Variants in TTC7B observed in about 807,000 individuals in gnomAD.
The protein encoded by TTC7B is tetratricopeptide repeat domain 7B.
In TTC7B, 28 loss-of-function variants were observed where a neutral mutation model predicts 106.8. The ratio of observed to expected loss-of-function variants is 0.26; its 90% CI spans 0.19 to 0.36. TTC7B has a LOEUF of 0.36. Among genes scored for constraint, TTC7B ranks in the 10% least tolerant of loss-of-function variants. TTC7B has a pLI of 1.00. For synonymous variants in TTC7B, 405 were observed against 430.6 expected (o/e 0.94, Z 0.74); for missense variants, 862 against 1,076.4 (o/e 0.80, Z 2.79).
At chr14:90,718,017 C>T (rs1328718537) in intron 5 of TTC7B, among the ~76,000 whole-genome samples, 1 of 152,232 alleles carries the variant, frequency 6.6e-6, no homozygotes, top group African/African-American at 2.4e-5. Flanking sequence ...ATTCCTTCTT[C>T]CCCACACTCA....
At chr14:90,562,460 T>A (rs1157963082) in intron 19 of TTC7B, among the ~76,000 whole-genome samples, 2 of 152,152 alleles carry the variant, frequency 1.3e-5, no homozygotes, top group Non-Finnish European at 2.9e-5. Flanking sequence ...TCCAGTGCAA[T>A]CTCTCTAAAA....
At chr14:90,545,128 C>T (rs995510464) in intron 19 of TTC7B, among the ~76,000 whole-genome samples, 4 of 152,184 alleles carry the variant, frequency 2.6e-5, no homozygotes, top group Non-Finnish European at 4.4e-5. Flanking sequence ...CAATCAACAT[C>T]GAGCTGCAGC....
Position 90,532,734 on chromosome 14 carries a change from G to A in TTC7B, c.*8634C>T, listed in dbSNP as rs541328850. 6.6e-6 allele frequency: 1 copy of A among 152,362 alleles called. No individual in the cohort carries two copies. The highest frequency in any genetic ancestry group is 2.1e-4 in the South Asian group (1 of 4,828). The allele number at this position is 152,362 out of a possible 1,614,324, so 9.4% of individuals were successfully genotyped here. ...CTCCCCAGCCCAGGTACCTGTGTCT[G>A]GCCAGGGGTCCTTGATACACCGTGG... On this transcript the variant is annotated 3_prime_UTR_variant, in exon 20 of 20. Transcript: ENST00000328459.
At chr14:90,668,669 A>G (rs1886508714) in intron 9 of TTC7B, among the ~76,000 whole-genome samples, 1 of 152,198 alleles carries the variant, frequency 6.6e-6, no homozygotes, top group Non-Finnish European at 1.5e-5. Context: ...GGACAGGTTC[A>G]GCGAGGTAAT....
rs72691735 is a variant in TTC7B, at chr14:90,618,339, C to T, written c.1752-294G>A. ...ACACAGGGAATTTATTAAAAGCATG[C>T]TTTTTAGAACCAAACCAATTTATTT... On this transcript the variant is annotated intron_variant, in intron 15 of 19. Transcript: ENST00000328459. Among the ~76,000 whole-genome samples, 245 of 152,348 alleles carry T rather than the reference C, an allele frequency of 1.6e-3. 1 individual carries two copies. Among genetic ancestry groups the T allele is most frequent in the African/African-American group, 5.7e-3 (236 of 41,574 alleles).
rs76839657 is a variant in TTC7B at position 90,545,194 on chromosome 14, T to G, written c.2311-3605A>C. 6.2e-3 allele frequency among the ~76,000 whole-genome samples: 941 copies of G among 152,210 alleles called. 22 individuals carry two copies. The East Asian group carries it at 0.066, about 11-fold the overall frequency. On this transcript the variant is annotated intron_variant, in intron 19 of 19. Coordinates refer to ENST00000328459, the MANE Select transcript of TTC7B (RefSeq NM_001010854.2). The stretch of plus-strand genomic sequence containing the variant: ...CCCATGCTTCCCACCTGGTCCACAT[T>G]GCCTCTGTCGCTTTAAGAGGCAAGC...
chr14:90,546,878 C>G (rs1294574), intron 19 of TTC7B, among the ~76,000 whole-genome samples: 47,077 of 152,196 alleles, frequency 0.31, 8,392 homozygotes, highest in Admixed American at 0.42. Context: ...TCCATCCTCT[C>G]TCACCTCCAG....
Position 90,528,377 on chromosome 14 carries a change from ATTTTAT to A in TTC7B, c.*12985_*12990del, listed in dbSNP as rs1411663685. On this transcript the variant is annotated 3_prime_UTR_variant, in exon 20 of 20. Transcript: ENST00000328459. ...ACCACGCAAAGTGGTAGAGCAACTT[ATTTTAT>A]TTTTGTCATTCTTTTGAGGCAGGGT... is the stretch of plus-strand genomic sequence containing the variant. The A allele has an allele frequency of 6.6e-6, 1 of 152,392 alleles. No individual in the cohort carries two copies. Among genetic ancestry groups the A allele is most frequent in the African/African-American group, 2.4e-5 (1 of 41,422 alleles). 9.4% of individuals were successfully genotyped at this position (152,392 alleles called of 1,614,324 possible).
chr14:90,776,140 G>GACACACACAC (rs370873395), intron 3 of TTC7B, among the ~76,000 whole-genome samples: 2,390 of 140,356 alleles, frequency 0.017, 76 homozygotes, highest in African/African-American at 0.051. Flanking sequence ...GGCCCCCCGT[G>GACACACACAC]ACACACACAC....
Position 90,577,851 on chromosome 14 carries a change from G to A in TTC7B, c.2310+255C>T, listed in dbSNP as rs960028991. Among the ~76,000 whole-genome samples, 1 of 152,240 alleles carries A rather than the reference G, an allele frequency of 6.6e-6. No homozygotes were observed. The highest frequency in any genetic ancestry group is 1.5e-5 in the Non-Finnish European group (1 of 68,042). ...GAGCCACAGGGTGGCTTAGACTGCT[G>A]GCCAGGAGACCACAGCACCTAACAG... is the stretch of plus-strand genomic sequence containing the variant. On this transcript the variant is annotated intron_variant, in intron 19 of 19. Transcript: ENST00000328459. The surrounding 1 kb of genome is among the most constrained non-coding windows in gnomAD (Gnocchi z 5.0).
At chr14:90,689,015 T>A (rs1887359874) in intron 7 of TTC7B, among the ~76,000 whole-genome samples, 2 of 152,044 alleles carry the variant, frequency 1.3e-5, no homozygotes, top group Admixed American at 1.3e-4. Context: ...TCCAAGGTGA[T>A]CAAGTCTCAA....
intron 15 of TTC7B, among the ~76,000 whole-genome samples, chr14:90,622,480 A>C (rs1280849607): frequency 6.6e-6 from 1 of 150,998 alleles, no homozygotes; most frequent in South Asian, 2.2e-4. Context: ...CTGTAATCCC[A>C]GCACTTTGGG....
chr14:90,593,290 G>C (rs1323467337), intron 18 of TTC7B, among the ~76,000 whole-genome samples, 196 bp downstream of exon 18: 1 of 152,236 alleles, frequency 6.6e-6, no homozygotes, highest in East Asian at 1.9e-4. Flanking sequence ...AGAGGGATCG[G>C]GGGATACAGA....
Position 90,808,178 on chromosome 14 carries a change from G to T in TTC7B, c.121+7997C>A, listed in dbSNP as rs1435333951. ...GAGACGCAAGAGGCTGGGCACAGTGGCTCACGCCTGTAATCCCAGCACTTT... is the reference window on the plus strand; with the variant it reads ...GAGACGCAAGAGGCTGGGCACAGTGTCTCACGCCTGTAATCCCAGCACTTT... On this transcript the variant is annotated intron_variant, in intron 1 of 19. Transcript: ENST00000328459. The surrounding 1 kb of genome is among the most constrained non-coding windows in gnomAD (Gnocchi z 4.2). 2.0e-5 allele frequency among the ~76,000 whole-genome samples: 3 copies of T among 152,200 alleles called. No homozygotes were observed. Among genetic ancestry groups the T allele is most frequent in the Non-Finnish European group, 4.4e-5 (3 of 68,036 alleles).
chr14:90,555,042 A>G (rs1890244699), intron 19 of TTC7B, among the ~76,000 whole-genome samples: 1 of 152,222 alleles, frequency 6.6e-6, no homozygotes, highest in Non-Finnish European at 1.5e-5. Flanking sequence ...TACCTGGTTC[A>G]GTTACCAAGC....
rs1887980660 is a variant in TTC7B, at chr14:90,701,461, C to T, written c.699-5883G>A. Reference sequence around the variant, plus strand: ...AGGGGCCAGGACAGGAACACATAAACAAGTCCTTCCAACAGGCGTGCACAA... The same window carrying T: ...AGGGGCCAGGACAGGAACACATAAATAAGTCCTTCCAACAGGCGTGCACAA... On this transcript the variant is annotated intron_variant, in intron 5 of 19. Coordinates refer to ENST00000328459, the MANE Select transcript of TTC7B (RefSeq NM_001010854.2). Among the ~76,000 whole-genome samples the T allele has an allele frequency of 1.3e-5, 2 of 152,042 alleles. 1 individual carries two copies. The highest frequency in any genetic ancestry group is 4.1e-4 in the South Asian group (2 of 4,822).
intron 5 of TTC7B, among the ~76,000 whole-genome samples, chr14:90,716,405 G>A (rs1888657656): frequency 6.6e-6 from 1 of 152,200 alleles, no homozygotes; most frequent in African/African-American, 2.4e-5. Flanking sequence ...ACATGGAAGT[G>A]TACAGATGGG....
Position 90,537,039 on chromosome 14 carries a change from C to A in TTC7B, c.*4329G>T. The A allele has an allele frequency of 6.6e-6, 1 of 152,380 alleles. No homozygotes were observed. Among genetic ancestry groups the A allele is most frequent in the Non-Finnish European group, 1.5e-5 (1 of 68,066 alleles). 9.4% of individuals were successfully genotyped at this position (152,380 alleles called of 1,614,324 possible). ...CACGAGCCAAGGCCGCAGGAAGCCTCTAGCCGCTGGAGAAGACGGGGACAC... is the reference window on the plus strand; with the variant it reads ...CACGAGCCAAGGCCGCAGGAAGCCTATAGCCGCTGGAGAAGACGGGGACAC... On this transcript the variant is annotated 3_prime_UTR_variant, in exon 20 of 20. Coordinates refer to ENST00000328459, the MANE Select transcript of TTC7B (RefSeq NM_001010854.2).
chr14:90,609,089 C>T (rs756088318), intron 17 of TTC7B, among the ~76,000 whole-genome samples: 6 of 152,328 alleles, frequency 3.9e-5, no homozygotes, highest in East Asian at 1.9e-4. Context: ...CCTACAATGA[C>T]GGGGCCTAAA....
Sources: gnomAD v4.1 joint callset for allele counts (sites outside exome capture counted in the v4.1 genomes callset) on GRCh38, gnomAD v4.1.1 for gene constraint, Gnocchi (gnomAD v3.1) non-coding constraint, MANE v1.5 for transcripts, NCBI Gene and HGNC (gene_info 2026-07-23, HGNC 2026-07-21) for gene names.